The following EPC1 variants were observed in gnomAD, a reference collection of about 807,000 sequenced individuals.
EPC1 encodes enhancer of polycomb homolog 1.
A neutral mutation model predicts 98.4 loss-of-function variants in EPC1; 12 were observed. That is an observed-to-expected ratio of 0.12 (90% CI 0.08 to 0.20). The LOEUF is 0.20. EPC1 is among the 10% of genes least tolerant of loss of function. EPC1 has a pLI of 1.00. For missense variants in EPC1, 729 were observed against 990.5 expected (o/e 0.74, Z 3.54); for synonymous variants, 357 against 363.9 (o/e 0.98, Z 0.21).
chr10:32,319,930 T>C (rs1836792010), intron 1 of EPC1, among the ~76,000 whole-genome samples: 1 of 152,136 alleles, frequency 6.6e-6, no homozygotes, highest in Non-Finnish European at 1.5e-5. Context: ...CTGCCCACCT[T>C]GGCCTCCCAA....
upstream of EPC1, chr10:32,347,261 G>C (rs1479860932): frequency 4.5e-6 from 5 of 1,114,718 alleles, no homozygotes; most frequent in Middle Eastern, 3.5e-4. Flanking sequence ...GCGCCGGCAC[G>C]AAGCGCGCGT....
At chr10:32,314,632 T>C (rs1049385962) in intron 1 of EPC1, among the ~76,000 whole-genome samples, 3 of 152,248 alleles carry the variant, frequency 2.0e-5, no homozygotes, top group African/African-American at 7.2e-5. Flanking sequence ...CCTTTTCAGG[T>C]GGCTTTCTAT....
chr10:32,307,907 AC>A (rs1215639882), intron 1 of EPC1, among the ~76,000 whole-genome samples: 2 of 152,176 alleles, frequency 1.3e-5, no homozygotes, highest in East Asian at 3.9e-4. Context: ...TAATCTCTTA[AC>A]CCTTAATTTC....
intron 2 of EPC1, 85 bp from the exon 3 acceptor site, chr10:32,293,822 A>T: frequency 8.1e-7 from 1 of 1,240,932 alleles, no homozygotes; most frequent in Non-Finnish European, 1.1e-6. Context: ...AACAAGACCT[A>T]GACTTTCTAA....
Position 32,284,795 on chromosome 10 carries a change from T to C in EPC1, c.1647A>G (p.Leu549=), listed in dbSNP as rs139075975. 3.3e-4 allele frequency: 526 copies of C among 1,614,068 alleles called. No homozygotes were observed. The highest frequency in any genetic ancestry group is 4.2e-4 in the Non-Finnish European group (496 of 1,180,016). ...SDNDELSCRK[L]YRSINRTGTA... ...TTCCTGTTCGGTTTATACTCCTATA[T>C]AATTTTCTACAGGAGAGTTCATCAT... Residue 549 remains leucine (L), a synonymous_variant, in exon 10 of 14, where the codon TTA becomes TTG. Coordinates refer to ENST00000319778, the MANE Select transcript of EPC1 (RefSeq NM_001272004.3).
chr10:32,269,282 C>A (rs1835722145), intron 13 of EPC1, 147 bp from the exon 14 acceptor site: 2 of 595,166 alleles, frequency 3.4e-6, no homozygotes, highest in Admixed American at 3.0e-5. Flanking sequence ...GAATACGAAT[C>A]TTTATAGTTT....
chr10:32,296,098 A>AT (rs1835142335), intron 2 of EPC1, among the ~76,000 whole-genome samples: 1 of 150,232 alleles, frequency 6.7e-6, no homozygotes, highest in Non-Finnish European at 1.5e-5. Context: ...TAATTTTCGT[A>AT]GTTTTTTTTT....
At chr10:32,327,189 C>T (rs80154092) in intron 1 of EPC1, among the ~76,000 whole-genome samples, 2,045 of 151,816 alleles carry the variant, frequency 0.013, 44 homozygotes, top group African/African-American at 0.046. Flanking sequence ...GTGAGATAAA[C>T]CAGACATAGA....
chr10:32,337,795 A>G (rs1011610622), intron 1 of EPC1, among the ~76,000 whole-genome samples: 1 of 151,778 alleles, frequency 6.6e-6, no homozygotes. Flanking sequence ...TTCATCTTCT[A>G]TTATTTCTTC....
At chr10:32,326,837 C>T (rs75351167) in intron 1 of EPC1, among the ~76,000 whole-genome samples, 2,049 of 151,884 alleles carry the variant, frequency 0.013, 46 homozygotes, top group African/African-American at 0.047. Flanking sequence ...CAAATCGACA[C>T]CACAATAAAA....
At chr10:32,377,554 G>A (rs1191975068) in intron 1 of EPC1, 1 of 152,192 alleles carries the variant, frequency 6.6e-6, no homozygotes, top group East Asian at 1.9e-4. Context: ...GGCTGGTTGT[G>A]ACGACATGTC....
chr10:32,274,613 T>C (rs1017792872), intron 10 of EPC1, among the ~76,000 whole-genome samples: 2 of 152,288 alleles, frequency 1.3e-5, no homozygotes, highest in Non-Finnish European at 2.9e-5. Context: ...ATGTTGGAAA[T>C]TGGTTTTCTT....
intron 10 of EPC1, chr10:32,284,442 T>C (rs1056420547): frequency 3.2e-5 from 11 of 339,306 alleles, no homozygotes; most frequent in African/African-American, 1.3e-4. Context: ...TCACGGACTA[T>C]ATCCAGGAAA....
At chr10:32,329,321 C>T (rs1458972703) in intron 1 of EPC1, among the ~76,000 whole-genome samples, 1 of 152,184 alleles carries the variant, frequency 6.6e-6, no homozygotes, top group Non-Finnish European at 1.5e-5. Context: ...CCACATAGTA[C>T]AGAACCCCCA....
In EPC1 at chr10:32,273,215, G is replaced by A; in HGVS notation, c.1811C>T (p.Ala604Val). ...ATTTGCTTGCTGTTGCTGAATTTGT[G>A]CAAGCTGCTGTTTCTGCATGAGTGC... ...QLALMQKQQL[A>V]QIQQQQANSN... The change falls in exon 11 of 14, where the codon GCA becomes GTA. Residue 604 changes from alanine (A) to valine (V), a missense_variant. Physicochemically the swap from Ala to Val is moderately conservative, Grantham distance 64. Transcript: ENST00000319778. 1 of 1,614,028 alleles carries A rather than the reference G, an allele frequency of 6.2e-7. No individual in the cohort carries two copies. Among genetic ancestry groups the A allele is most frequent in the Non-Finnish European group, 8.5e-7 (1 of 1,179,904 alleles).
intron 1 of EPC1, among the ~76,000 whole-genome samples, chr10:32,321,700 T>G (rs1164592417): frequency 6.6e-6 from 1 of 152,054 alleles, no homozygotes; most frequent in Non-Finnish European, 1.5e-5. Flanking sequence ...TCATGTTCAC[T>G]CTGAAGACTG....
intron 10 of EPC1, among the ~76,000 whole-genome samples, chr10:32,277,781 C>A (rs903394572): frequency 9.2e-5 from 14 of 152,128 alleles, no homozygotes; most frequent in African/African-American, 3.4e-4. Context: ...GTTGCTCAGG[C>A]TGGTCTTGAA....
chr10:32,321,770 C>G (rs924370737), intron 1 of EPC1, among the ~76,000 whole-genome samples: 2 of 151,972 alleles, frequency 1.3e-5, no homozygotes, highest in African/African-American at 4.8e-5. Context: ...GACTCCAGAA[C>G]CCTATGATCT....
chr10:32,289,654 C>T (rs71493118), intron 6 of EPC1, among the ~76,000 whole-genome samples: 12,892 of 150,572 alleles, frequency 0.086, 598 homozygotes, highest in Admixed American at 0.12. Flanking sequence ...GACGGAGTCT[C>T]GCACTGTAGC....
Sources: allele counts gnomAD v4.1 joint callset (sites outside exome capture counted in the v4.1 genomes callset), GRCh38; gene constraint gnomAD v4.1.1; transcripts MANE v1.5; gene names NCBI Gene and HGNC (gene_info 2026-07-23, HGNC 2026-07-21).